Variants in GSG1L observed in about 807,000 individuals in gnomAD.
GSG1L encodes germ cell-specific gene 1-like protein.
GSG1L carries 24 observed loss-of-function variants against 42.1 expected under a neutral mutation model. The observed-to-expected ratio is 0.57, with a 90% CI of 0.41 to 0.80. The LOEUF (loss-of-function observed/expected upper bound fraction) is 0.80. Among genes scored for constraint, GSG1L ranks in the 30% least tolerant of loss-of-function variants. The pLI, the probability that GSG1L is intolerant of heterozygous loss-of-function variation, is 0.00. For missense variants in GSG1L, 445 were observed against 472.2 expected, an observed-to-expected ratio of 0.94 and a Z score of 0.53; for synonymous variants, 215 against 203.5, an observed-to-expected ratio of 1.06 and a Z score of -0.48.
At chr16:27,830,928 C>G (rs1458537097) in intron 4 of GSG1L, among the ~76,000 whole-genome samples, 1 of 152,242 alleles carries the variant, frequency 6.6e-6, no homozygotes, top group African/African-American at 2.4e-5. Flanking sequence ...CACTCCAATT[C>G]TGTTAAGGGA....
chr16:27,952,089 G>C (rs1243708056), intron 2 of GSG1L, among the ~76,000 whole-genome samples: 1 of 152,210 alleles, frequency 6.6e-6, no homozygotes, highest in Non-Finnish European at 1.5e-5. Context: ...AACCCAGGTG[G>C]GTCAGAGGAG....
rs141437454 is a variant in GSG1L at position 27,909,335 on chromosome 16, C to A, written c.398-24697G>T. Among the ~76,000 whole-genome samples, 948 of 150,542 alleles carry A rather than the reference C, an allele frequency of 6.3e-3. 7 individuals are homozygous for A. The highest frequency in any genetic ancestry group is 0.022 in the African/African-American group (903 of 41,024). On this transcript the variant is annotated intron_variant, in intron 2 of 6. Transcript: ENST00000447459. ...TATTTTTTCTTTTCTCTCTTTCTTT[C>A]TTTTTCTTTCTTTCTTTCTTTTTTC... is the stretch of plus-strand genomic sequence containing the variant.
intron 2 of GSG1L, among the ~76,000 whole-genome samples, chr16:27,938,470 A>G (rs1434614135): frequency 2.0e-5 from 3 of 146,500 alleles, no homozygotes; most frequent in Non-Finnish European, 4.5e-5. Flanking sequence ...AAAGGTTCCC[A>G]TTGAGACAAA....
At chr16:28,003,623 T>C (rs763943389) in intron 1 of GSG1L, among the ~76,000 whole-genome samples, 16 of 152,196 alleles carry the variant, frequency 1.1e-4, no homozygotes, top group Non-Finnish European at 1.9e-4. Context: ...GTGACTGATG[T>C]TGGGGAAGCT....
At chr16:27,888,021 G>T (rs538024465) in intron 2 of GSG1L, 6 of 836,330 alleles carry the variant, frequency 7.2e-6, no homozygotes, top group Non-Finnish European at 8.7e-6. Flanking sequence ...GAGGGTGGCC[G>T]CCCCCAGGAG....
At chr16:27,880,152 C>T (rs1645362) in intron 3 of GSG1L, among the ~76,000 whole-genome samples, 95,348 of 152,010 alleles carry the variant, frequency 0.63, 30,510 homozygotes, top group Admixed American at 0.75. Flanking sequence ...CCTCTCCACC[C>T]CCTCCAAGCC....
intron 5 of GSG1L, among the ~76,000 whole-genome samples, chr16:27,827,102 G>A (rs2083218506): frequency 6.6e-6 from 1 of 152,170 alleles, no homozygotes; most frequent in Non-Finnish European, 1.5e-5. Flanking sequence ...TCTGTAAAAT[G>A]GAGCTAACAG....
chr16:27,941,656 G>C (rs1344853506), intron 2 of GSG1L, among the ~76,000 whole-genome samples: 2 of 8,578 alleles, frequency 2.3e-4, no homozygotes, highest in Non-Finnish European at 5.0e-4. Flanking sequence ...CTGGGGCATA[G>C]AGCATGTTAG....
chr16:27,862,409 G>A (rs959823960), intron 3 of GSG1L, among the ~76,000 whole-genome samples: 3 of 152,212 alleles, frequency 2.0e-5, no homozygotes, highest in East Asian at 1.9e-4. Context: ...CCTTAGATGG[G>A]TTCTAAAGGG....
chr16:27,861,185 T>C (rs568307696), intron 3 of GSG1L, among the ~76,000 whole-genome samples: 38 of 152,198 alleles, frequency 2.5e-4, no homozygotes, highest in Middle Eastern at 6.8e-3. Context: ...CTGGCCAACA[T>C]GGTGAAACCC....
At chr16:27,965,787 C>T (rs762539568) in intron 1 of GSG1L, among the ~76,000 whole-genome samples, 1 of 152,236 alleles carries the variant, frequency 6.6e-6, no homozygotes, top group Non-Finnish European at 1.5e-5. Flanking sequence ...CTGCACTGGT[C>T]TCTCTCTTTC....
chr16:28,058,702 C>T (rs2086306840), intron 1 of GSG1L, among the ~76,000 whole-genome samples: 1 of 151,818 alleles, frequency 6.6e-6, no homozygotes, highest in African/African-American at 2.4e-5. Flanking sequence ...CCAACAGATG[C>T]TCCCAACATG....
intron 2 of GSG1L, among the ~76,000 whole-genome samples, chr16:27,896,240 G>T (rs1307402303): frequency 1.3e-5 from 2 of 152,210 alleles, no homozygotes; most frequent in African/African-American, 4.8e-5. Context: ...GGGCAGGACT[G>T]CTTGGGAACC....
intron 2 of GSG1L, among the ~76,000 whole-genome samples, chr16:27,959,340 C>CAT (rs879442222): frequency 0.19 from 27,927 of 149,592 alleles, 3,118 homozygotes; most frequent in East Asian, 0.47. Flanking sequence ...TGGTGGCGTG[C>CAT]GCCTGTAATC....
At chr16:27,968,231 A>T (rs933115959) in intron 1 of GSG1L, among the ~76,000 whole-genome samples, 5 of 151,814 alleles carry the variant, frequency 3.3e-5, no homozygotes, top group Non-Finnish European at 5.9e-5. Flanking sequence ...AAATAAATTA[A>T]TTTTTTTCTT....
Position 27,848,021 on chromosome 16 carries a change from T to C in GSG1L, c.551-2960A>G, listed in dbSNP as rs990617146. Among the ~76,000 whole-genome samples the C allele has an allele frequency of 7.9e-4, 120 of 152,240 alleles. 1 individual carries two copies. Among genetic ancestry groups the C allele is most frequent in the Non-Finnish European group, 5.3e-4 (36 of 68,044 alleles). On this transcript the variant is annotated intron_variant, in intron 3 of 6. Coordinates refer to ENST00000447459, the MANE Select transcript of GSG1L (RefSeq NM_001109763.2). ...TAACATTGGGTAGGTTGACTTTCTG[T>C]GCCTCAGTTTCCTCACCTGTCATAT...
chr16:27,815,337 T>C (rs1281250171), intron 5 of GSG1L, among the ~76,000 whole-genome samples: 1 of 152,104 alleles, frequency 6.6e-6, no homozygotes, highest in Non-Finnish European at 1.5e-5. Context: ...CTTTGCTCAT[T>C]GTGTGATGTA....
chr16:27,812,080 C>T (rs1645333), intron 5 of GSG1L, among the ~76,000 whole-genome samples: 70,561 of 151,978 alleles, frequency 0.46, 16,564 homozygotes, highest in Admixed American at 0.57. Flanking sequence ...TCTAAGGAGA[C>T]AGTCAGTCCA....
At chr16:28,036,586 T>C (rs2086040931) in intron 1 of GSG1L, among the ~76,000 whole-genome samples, 1 of 152,160 alleles carries the variant, frequency 6.6e-6, no homozygotes, top group Non-Finnish European at 1.5e-5. Context: ...TGTCCCCCCC[T>C]TCACCAGGAC....
Sources: allele counts gnomAD v4.1 joint callset (sites outside exome capture counted in the v4.1 genomes callset), GRCh38; gene constraint gnomAD v4.1.1; transcripts MANE v1.5; gene names NCBI Gene and HGNC (gene_info 2026-07-23, HGNC 2026-07-21).